Variants in CRY2 observed in about 807,000 individuals in gnomAD.
CRY2 encodes cryptochrome-2.
In CRY2, 31 loss-of-function variants were observed where a neutral mutation model predicts 69.5. The ratio of observed to expected loss-of-function variants is 0.45; its 90% CI spans 0.34 to 0.60. CRY2 has a LOEUF of 0.60. CRY2 is among the 20% of genes least tolerant of loss of function. The pLI, the probability that CRY2 is intolerant of heterozygous loss-of-function variation, is 0.02. For synonymous variants in CRY2, 303 were observed against 312.2 expected, an observed-to-expected ratio of 0.97 and a Z score of 0.31; for missense variants, 606 against 797.8, an observed-to-expected ratio of 0.76 and a Z score of 2.90.
rs779481016 is a variant in CRY2 at position 45,847,518 on chromosome 11, G to A, written c.28G>A (p.Ala10Thr). 4 of 1,590,802 alleles carry A rather than the reference G, an allele frequency of 2.5e-6. No individual in the cohort carries two copies. In the South Asian group the frequency reaches 3.4e-5, roughly 13 times the overall value. The change falls in exon 1 of 12, where the codon GCT becomes ACT. Residue 10 changes from alanine (A) to threonine (T), a missense_variant. Ala to Thr is a moderately conservative substitution (Grantham distance 58). This residue lies in a region of CRY2 where 45 missense variants were observed against 35.7 expected (regional missense o/e 1.26). Coordinates refer to ENST00000616080, the MANE Select transcript of CRY2 (RefSeq NM_021117.5). MAATVATAA[A>T]VAPAPAPGTD... is the part of the protein sequence containing the mutation. ...GGCGGCGACTGTGGCGACGGCGGCA[G>A]CTGTGGCCCCGGCGCCAGCGCCCGG...
At position 45,870,495 on chromosome 11, in the gene CRY2, G is replaced by A; in HGVS notation, c.1512G>A (p.Lys504=). The A allele has an allele frequency of 3.1e-6, 5 of 1,614,206 alleles. No homozygotes were observed. In the South Asian group the frequency reaches 5.5e-5, roughly 18 times the overall value. The change falls in exon 9 of 12, where the codon AAG becomes AAA. Residue 504 remains lysine, a synonymous_variant. Coordinates refer to ENST00000616080, the MANE Select transcript of CRY2 (RefSeq NM_021117.5). ...ETSRLNIERM[K]QIYQQLSRYR... ...GCCGGCTTAACATTGAACGAATGAAGCAGATTTACCAGCAGCTTTCGCGCT... is the reference window on the plus strand; with the variant it reads ...GCCGGCTTAACATTGAACGAATGAAACAGATTTACCAGCAGCTTTCGCGCT...
chr11:45,877,145 G>A (rs1380130132), intron 11 of CRY2, among the ~76,000 whole-genome samples: 1 of 152,194 alleles, frequency 6.6e-6, no homozygotes, highest in Non-Finnish European at 1.5e-5. Flanking sequence ...GCATGCTGTG[G>A]GAAGGGTAAA....
chr11:45,859,118 A>C (rs1356673639), intron 3 of CRY2, among the ~76,000 whole-genome samples: 1 of 151,986 alleles, frequency 6.6e-6, no homozygotes, highest in Non-Finnish European at 1.5e-5. Context: ...GAGGACCCAC[A>C]CTCAGGGTAT....
chr11:45,862,298 CA>C (rs1318341456), intron 5 of CRY2, 150 bp downstream of exon 5: 7 of 650,006 alleles, frequency 1.1e-5, no homozygotes, highest in Non-Finnish European at 1.8e-5. Flanking sequence ...ATAACAACAG[CA>C]ACACTAACAG....
At chr11:45,862,479 C>T (rs2086295712) in intron 5 of CRY2, among the ~76,000 whole-genome samples, 1 of 152,150 alleles carries the variant, frequency 6.6e-6, no homozygotes, top group African/African-American at 2.4e-5. Context: ...AAGTAACTTG[C>T]CTGAGGTCAC....
At position 45,872,221 on chromosome 11, in the gene CRY2, A is replaced by G. The variant is rs770029384; in HGVS notation, c.1772A>G (p.Lys591Arg). Residue 591 changes from lysine to arginine, a missense_variant, in exon 11 of 12, where the codon AAG becomes AGG. This residue lies in a region of CRY2 where 173 missense variants were observed against 213.7 expected (regional missense o/e 0.81). Transcript: ENST00000616080. Reference sequence around the variant, plus strand: ...TTGCCAACCCCAGAGCTGCCGAGCAAGGATGCCTGAGAGTGAGTGACAGCA... The same window carrying G: ...TTGCCAACCCCAGAGCTGCCGAGCAGGGATGCCTGAGAGTGAGTGACAGCA... ...AELPTPELPS[K>R]DA 28 of 1,613,942 alleles carry G rather than the reference A, an allele frequency of 1.7e-5. No individual in the cohort carries two copies. The highest frequency in any genetic ancestry group is 2.2e-5 in the Non-Finnish European group (26 of 1,179,974).
intron 1 of CRY2, among the ~76,000 whole-genome samples, chr11:45,849,069 A>G (rs2086174082): frequency 6.6e-6 from 1 of 152,212 alleles, no homozygotes; most frequent in Non-Finnish European, 1.5e-5. Context: ...AGGCAAATGG[A>G]ATCCGACTAC....
At chr11:45,855,916 C>T in intron 1 of CRY2, 66 bp from the exon 2 acceptor site, 1 of 1,374,226 alleles carries the variant, frequency 7.3e-7, no homozygotes, top group Non-Finnish European at 1.0e-6. Flanking sequence ...TTTCTCCCTG[C>T]TTTGTTAGGA....
At chr11:45,859,631 G>T (rs561890501) in intron 3 of CRY2, among the ~76,000 whole-genome samples, 28 of 152,078 alleles carry the variant, frequency 1.8e-4, no homozygotes, top group African/African-American at 6.7e-4. Context: ...GCTTGGTGGC[G>T]GGGAGGGCTC....
chr11:45,878,240 A>C (rs11038700), intron 11 of CRY2, among the ~76,000 whole-genome samples: 34,382 of 152,090 alleles, frequency 0.23, 4,211 homozygotes, highest in Non-Finnish European at 0.28. Context: ...CATGGACTGC[A>C]CCAAAGCCTA....
chr11:45,879,710 G>A (rs988685022), intron 11 of CRY2, among the ~76,000 whole-genome samples: 2 of 152,204 alleles, frequency 1.3e-5, no homozygotes, highest in East Asian at 3.8e-4. Flanking sequence ...CAAGGTTACT[G>A]GGATCTCAAG....
intron 11 of CRY2, among the ~76,000 whole-genome samples, chr11:45,874,239 C>T (rs1173866121): frequency 6.6e-6 from 1 of 151,858 alleles, no homozygotes; most frequent in Non-Finnish European, 1.5e-5. Flanking sequence ...GAGATCGTGC[C>T]ATTGCACTCC....
chr11:45,877,693 T>C (rs933600814), intron 11 of CRY2, among the ~76,000 whole-genome samples: 1 of 152,250 alleles, frequency 6.6e-6, no homozygotes, highest in Non-Finnish European at 1.5e-5. Context: ...GTGCCTCCCC[T>C]TGGCTGTTCT....
intron 11 of CRY2, among the ~76,000 whole-genome samples, chr11:45,872,495 C>T (rs1326550863): frequency 1.3e-5 from 2 of 152,076 alleles, no homozygotes; most frequent in Non-Finnish European, 2.9e-5. Flanking sequence ...AATCCCAGCA[C>T]TTTGGGAGGC....
intron 1 of CRY2, among the ~76,000 whole-genome samples, chr11:45,855,343 G>A (rs1229957967): frequency 6.6e-6 from 1 of 152,192 alleles, no homozygotes; most frequent in East Asian, 1.9e-4. Flanking sequence ...GCAGAAATAC[G>A]CATGGCCCAG....
chr11:45,853,208 G>C (rs889219313), intron 1 of CRY2, among the ~76,000 whole-genome samples: 10 of 152,184 alleles, frequency 6.6e-5, no homozygotes, highest in Non-Finnish European at 8.8e-5. Flanking sequence ...CTACTTGATT[G>C]GGCTGTTTGA....
At chr11:45,875,201 T>C (rs1360356620) in intron 11 of CRY2, among the ~76,000 whole-genome samples, 1 of 152,210 alleles carries the variant, frequency 6.6e-6, no homozygotes, top group Admixed American at 6.5e-5. Context: ...GTGACTGCTT[T>C]ATAGGCAAGA....
chr11:45,847,639 T>G lies in CRY2; in HGVS notation c.149T>G (p.Val50Gly), dbSNP rs1309112297. The G allele has an allele frequency of 1.2e-6, 2 of 1,600,176 alleles. No individual in the cohort carries two copies. Among genetic ancestry groups the G allele is most frequent in the Non-Finnish European group, 1.7e-6 (2 of 1,174,254 alleles). Residue 50 changes from valine (V) to glycine (G), a missense_variant, in exon 1 of 12, where the codon GTG becomes GGG. Coordinates refer to ENST00000616080, the MANE Select transcript of CRY2 (RefSeq NM_021117.5). ...LLAAVRGARC[V>G]RCVYILDPWF... is the part of the protein sequence containing the mutation. Reference sequence around the variant, plus strand: ...GCGGCCGTGCGCGGGGCGCGCTGCGTGCGCTGCGTTTACATTCTCGACCCG... The same window carrying G: ...GCGGCCGTGCGCGGGGCGCGCTGCGGGCGCTGCGTTTACATTCTCGACCCG...
upstream of CRY2, chr11:45,847,434 G>A (rs749665567): frequency 3.8e-6 from 6 of 1,592,996 alleles, no homozygotes; most frequent in African/African-American, 1.3e-5. Flanking sequence ...GGCTATGGGC[G>A]GGGTCCACGT....
Sources: allele counts gnomAD v4.1 joint callset (sites outside exome capture counted in the v4.1 genomes callset), GRCh38; gene constraint gnomAD v4.1.1; regional missense constraint gnomAD v4.1.1; transcripts MANE v1.5; gene names NCBI Gene and HGNC (gene_info 2026-07-23, HGNC 2026-07-21).